DOCK1: variants seen among roughly 807,000 people sequenced by gnomAD.
The protein encoded by DOCK1 is dedicator of cytokinesis protein 1.
In DOCK1, 138 loss-of-function variants were observed where a neutral mutation model predicts 262.7. The observed-to-expected ratio is 0.53, with a 90% CI of 0.46 to 0.61. DOCK1 has a LOEUF of 0.61. Ranked by LOEUF, DOCK1 falls within the 20% of genes least tolerant of loss-of-function variation. The pLI, the probability that DOCK1 is intolerant of heterozygous loss-of-function variation, is 0.00. For synonymous variants in DOCK1, 866 were observed against 867.4 expected (o/e 1.00, Z 0.03); for missense variants, 1,908 against 2,370.7 (o/e 0.80, Z 4.05).
At chr10:126,962,251 C>T (rs2037284627) in intron 1 of DOCK1, among the ~76,000 whole-genome samples, 1 of 152,088 alleles carries the variant, frequency 6.6e-6, no homozygotes, top group Admixed American at 6.5e-5. Context: ...CCTCCGCCTC[C>T]CCGGTTCGAA....
intron 6 of DOCK1, among the ~76,000 whole-genome samples, chr10:126,991,231 C>G (rs537444449): frequency 6.6e-6 from 1 of 152,310 alleles, no homozygotes; most frequent in South Asian, 2.1e-4. Flanking sequence ...GCTGTACCTT[C>G]TATGTTAGCA....
In DOCK1 at chr10:127,444,198, G is replaced by T. The variant is rs774014626; in HGVS notation, c.5332G>T (p.Val1778Leu). The T allele has an allele frequency of 1.4e-5, 22 of 1,608,908 alleles. No homozygotes were observed. The highest frequency in any genetic ancestry group is 1.8e-5 in the Non-Finnish European group (21 of 1,178,298). ...CATTGGAAGCGAAAGGCGCTTCTCG[G>T]TGTCCCCCTCGTCACCGTCCTCCCA... is the stretch of plus-strand genomic sequence containing the variant. ...NVIGSERRFS[V>L]SPSSPSSQQT... is the part of the protein sequence containing the mutation. The change falls in exon 50 of 52, where the codon GTG becomes TTG. Residue 1778 changes from valine to leucine, a missense_variant. This residue lies in a region of DOCK1 where 383 missense variants were observed against 420.1 expected (regional missense o/e 0.91). Coordinates refer to ENST00000623213, the MANE Select transcript of DOCK1 (RefSeq NM_001290223.2).
At chr10:127,109,006 A>G (rs1012643867) in intron 24 of DOCK1, among the ~76,000 whole-genome samples, 1 of 152,234 alleles carries the variant, frequency 6.6e-6, no homozygotes, top group Non-Finnish European at 1.5e-5. Context: ...TTTTTAAAAA[A>G]AATATATTAT....
At chr10:127,177,595 T>C (rs1433126389) in intron 27 of DOCK1, among the ~76,000 whole-genome samples, 2 of 152,174 alleles carry the variant, frequency 1.3e-5, no homozygotes, top group Non-Finnish European at 2.9e-5. Context: ...GGCAAGGTCA[T>C]GGACATGGGC....
chr10:127,157,909 G>C (rs1354709086), intron 27 of DOCK1, among the ~76,000 whole-genome samples: 1 of 152,202 alleles, frequency 6.6e-6, no homozygotes, highest in East Asian at 1.9e-4. Context: ...TTCACAGGCA[G>C]CTGCCAGCAG....
intron 43 of DOCK1, among the ~76,000 whole-genome samples, chr10:127,413,226 G>C (rs752842184): frequency 1.3e-5 from 2 of 152,168 alleles, no homozygotes; most frequent in Non-Finnish European, 1.5e-5. Flanking sequence ...TGGAGGGTGC[G>C]CGGCCAGTTG....
chr10:127,439,069 G>T lies in DOCK1; in HGVS notation c.5103G>T (p.Arg1701Ser), dbSNP rs372787583. 4 of 1,556,438 alleles carry T rather than the reference G, an allele frequency of 2.6e-6. No homozygotes were observed. The highest frequency in any genetic ancestry group is 1.7e-4 in the Middle Eastern group (1 of 5,992). The change falls in exon 49 of 52, where the codon AGG (arginine) becomes AGT (serine). Residue 1701 changes from arginine to serine, a missense_variant. By Grantham distance (110) the Arg-to-Ser change is moderately radical. This residue lies in a region of DOCK1 where 383 missense variants were observed against 420.1 expected (regional missense o/e 0.91). Coordinates refer to ENST00000623213, the MANE Select transcript of DOCK1 (RefSeq NM_001290223.2). ...TCCTGCCAAAGAAAATGCACTCCAG[G>T]TCCCAGGACAAGCTGGACAAGGATG... is the stretch of plus-strand genomic sequence containing the variant. ...EPLLPKKMHSRSQDKLDKDDL... is the reference protein window; with the variant it reads ...EPLLPKKMHSSSQDKLDKDDL...
chr10:127,012,295 G>C lies in DOCK1; in HGVS notation c.1122G>C (p.Arg374Ser). The stretch of plus-strand genomic sequence containing the variant: ...ACATGTCATCCCGTTTTTCACCCAG[G>C]GTGGCAGGGGAGAATGACTTCCTTC... Reference protein sequence around the residue: ...PLNMSSRFSPRVAGENDFLQT... With the variant: ...PLNMSSRFSPSVAGENDFLQT... Residue 374 changes from arginine to serine, a missense_variant, in exon 12 of 52, where the codon AGG becomes AGC. Physicochemically the swap from Arg to Ser is moderately radical, Grantham distance 110 (BLOSUM62 -1). This residue lies in a region of DOCK1 where 57 missense variants were observed against 39.7 expected (regional missense o/e 1.44). Coordinates refer to ENST00000623213, the MANE Select transcript of DOCK1 (RefSeq NM_001290223.2). The surrounding 1 kb of genome is among the most constrained non-coding windows in gnomAD (Gnocchi z 4.0). 3 of 1,613,978 alleles carry C rather than the reference G, an allele frequency of 1.9e-6. No individual in the cohort carries two copies. Among genetic ancestry groups the C allele is most frequent in the Non-Finnish European group, 2.5e-6 (3 of 1,179,892 alleles).
intron 30 of DOCK1, among the ~76,000 whole-genome samples, chr10:127,339,995 A>G (rs1481826702): frequency 6.6e-6 from 1 of 152,190 alleles, no homozygotes; most frequent in African/African-American, 2.4e-5. Context: ...TGGGTGATCC[A>G]ACCCCAAAAT....
chr10:126,969,852 T>C (rs1297820195), intron 1 of DOCK1, among the ~76,000 whole-genome samples: 1 of 152,158 alleles, frequency 6.6e-6, no homozygotes, highest in Non-Finnish European at 1.5e-5. Flanking sequence ...ACAATGCAGG[T>C]GCCTTTTGTG....
At chr10:127,143,838 TTTG>T (rs2051516358) in intron 27 of DOCK1, among the ~76,000 whole-genome samples, 2 of 152,122 alleles carry the variant, frequency 1.3e-5, no homozygotes, top group Admixed American at 1.3e-4. Context: ...ACCCCAAATA[TTTG>T]TTGTTCTCTT....
intron 13 of DOCK1, among the ~76,000 whole-genome samples, chr10:127,021,654 G>A (rs576373775): frequency 1.3e-4 from 20 of 152,282 alleles, no homozygotes; most frequent in African/African-American, 4.3e-4. Flanking sequence ...CCTGCCCCTC[G>A]TCCTGTGCTC....
intron 43 of DOCK1, among the ~76,000 whole-genome samples, chr10:127,413,592 CGAG>C (rs1052813649): frequency 1.3e-5 from 2 of 152,128 alleles, no homozygotes; most frequent in Admixed American, 6.5e-5. Flanking sequence ...AGGGCACTGA[CGAG>C]GAGGAAGATG....
intron 47 of DOCK1, among the ~76,000 whole-genome samples, chr10:127,426,373 CAG>C (rs1432209257): frequency 6.6e-6 from 1 of 152,184 alleles, no homozygotes; most frequent in Non-Finnish European, 1.5e-5. Context: ...ACAATACACA[CAG>C]AGGGTTCGGT....
At chr10:127,258,338 G>A (rs754835800) in intron 29 of DOCK1, among the ~76,000 whole-genome samples, 20 of 152,104 alleles carry the variant, frequency 1.3e-4, no homozygotes, top group Non-Finnish European at 2.8e-4. Flanking sequence ...CCACTCATTC[G>A]TTCTTCATTT....
chr10:127,322,952 G>GT (rs1319378617), intron 29 of DOCK1, among the ~76,000 whole-genome samples: 7 of 152,354 alleles, frequency 4.6e-5, no homozygotes, highest in African/African-American at 1.4e-4. Context: ...CAATCACTCT[G>GT]ATGTAACCTG....
intron 27 of DOCK1, among the ~76,000 whole-genome samples, chr10:127,165,229 G>T (rs1341675403): frequency 3.3e-5 from 5 of 152,148 alleles, no homozygotes; most frequent in Non-Finnish European, 5.9e-5. Context: ...TTCTTTTGAT[G>T]TGTGTTTTTA....
chr10:127,012,255 G>C lies in DOCK1; in HGVS notation c.1082G>C (p.Arg361Pro). The C allele has an allele frequency of 1.9e-6, 3 of 1,610,186 alleles. No individual in the cohort carries two copies. The highest frequency in any genetic ancestry group is 2.5e-6 in the Non-Finnish European group (3 of 1,176,516). The change falls in exon 12 of 52, where the codon CGA (arginine) becomes CCA (proline). Residue 361 changes from arginine (R) to proline (P), a missense_variant. By Grantham distance (103) the Arg-to-Pro change is moderately radical. Around this residue, in one of 9 missense-constraint regions of DOCK1, gnomAD observed 57 missense variants for 39.7 expected, o/e 1.44. Coordinates refer to ENST00000623213, the MANE Select transcript of DOCK1 (RefSeq NM_001290223.2). The surrounding 1 kb of genome is among the most constrained non-coding windows in gnomAD (Gnocchi z 4.0). ...FQPLALDDAI[R>P]HKPLNMSSRF... ...AGGCTCGCGTTGGACGACGCCATTCGACACAAGCCGCTGAACATGTCATCC... is the reference window on the plus strand; with the variant it reads ...AGGCTCGCGTTGGACGACGCCATTCCACACAAGCCGCTGAACATGTCATCC...
intron 51 of DOCK1, among the ~76,000 whole-genome samples, chr10:127,449,655 G>C (rs955744904): frequency 2.6e-5 from 4 of 152,180 alleles, no homozygotes; most frequent in Admixed American, 1.3e-4. Context: ...GTCATCATTA[G>C]GCAGAAGCGG....
Sources: allele counts gnomAD v4.1 joint callset (sites outside exome capture counted in the v4.1 genomes callset), GRCh38; gene constraint gnomAD v4.1.1; regional missense constraint gnomAD v4.1.1; non-coding constraint Gnocchi (gnomAD v3.1); transcripts MANE v1.5; gene names NCBI Gene and HGNC (gene_info 2026-07-23, HGNC 2026-07-21).